HS6ST2: variants seen among roughly 807,000 people sequenced by gnomAD.
HS6ST2 encodes the protein heparan sulfate 6-O-sulfotransferase 2, also known as heparan-sulfate 6-O-sulfotransferase 2.
HS6ST2 carries 17 observed loss-of-function variants against 33.0 expected under a neutral mutation model. That is an observed-to-expected ratio of 0.52 (90% CI 0.35 to 0.77). HS6ST2 has a LOEUF of 0.77. Among genes scored for constraint, HS6ST2 ranks in the 30% least tolerant of loss-of-function variants. The pLI, the probability that HS6ST2 is intolerant of heterozygous loss-of-function variation, is 0.01. For missense variants in HS6ST2, 519 were observed against 551.7 expected (o/e 0.94, Z 0.59); for synonymous variants, 248 against 237.1 (o/e 1.05, Z -0.42).
intron 2 of HS6ST2, among the ~76,000 whole-genome samples, chrX:132,805,106 T>C (rs73638579): frequency 0.16 from 17,175 of 110,454 alleles, 1,121 homozygotes; most frequent in South Asian, 0.35. Flanking sequence ...GGACCAGCCC[T>C]GCAAAGGAGG....
In HS6ST2 at chrX:132,712,284, A is replaced by G. The variant is rs774850085; in HGVS notation, c.948-3790T>C. ...CTTCACCTACTCTATTGCTGCTCAG[A>G]AACCCACCACTTCCTTTTGTATCTC... is the stretch of plus-strand genomic sequence containing the variant. On this transcript the variant is annotated intron_variant, in intron 2 of 4. Coordinates refer to ENST00000370833, the MANE Select transcript of HS6ST2 (RefSeq NM_001394073.1). Among the ~76,000 whole-genome samples, 4 of 111,973 alleles carry G rather than the reference A, an allele frequency of 3.6e-5. No individual in the cohort carries two copies. The South Asian group carries it at 1.5e-3, about 42-fold the overall frequency.
chrX:132,847,059 C>T (rs1472051826), intron 2 of HS6ST2, among the ~76,000 whole-genome samples: 4 of 110,844 alleles, frequency 3.6e-5, no homozygotes, highest in African/African-American at 6.6e-5. Flanking sequence ...CAGATATGTT[C>T]GTTGATGATA....
chrX:132,834,226 T>C (rs1417524477), intron 2 of HS6ST2, among the ~76,000 whole-genome samples: 1 of 112,046 alleles, frequency 8.9e-6, no homozygotes, highest in African/African-American at 3.2e-5. Context: ...GAACACTTAC[T>C]ATGCACCAAG....
intron 2 of HS6ST2, among the ~76,000 whole-genome samples, chrX:132,856,391 G>T (rs2065852540): frequency 8.9e-6 from 1 of 112,093 alleles, no homozygotes; most frequent in Middle Eastern, 4.6e-3. Context: ...TATATATAGG[G>T]TTTCAGGCAT....
At chrX:132,806,443 A>G (rs939683869) in intron 2 of HS6ST2, among the ~76,000 whole-genome samples, 2 of 110,105 alleles carry the variant, frequency 1.8e-5, no homozygotes, top group African/African-American at 6.5e-5. Flanking sequence ...TTGGAATAAC[A>G]GTGATGATAA....
chrX:132,771,335 T>A (rs1346319453), intron 2 of HS6ST2, among the ~76,000 whole-genome samples: 1 of 112,107 alleles, frequency 8.9e-6, no homozygotes, highest in Non-Finnish European at 1.9e-5. Context: ...TAATGAACAA[T>A]GTATTACTCT....
intron 2 of HS6ST2, among the ~76,000 whole-genome samples, chrX:132,887,063 A>AG (rs2066260206): frequency 9.0e-6 from 1 of 110,569 alleles, no homozygotes; most frequent in African/African-American, 3.3e-5. Context: ...TGAACCTGGG[A>AG]ACAGAGGTTG....
At chrX:132,886,978 T>C (rs2066259336) in intron 2 of HS6ST2, among the ~76,000 whole-genome samples, 1 of 110,133 alleles carries the variant, frequency 9.1e-6, no homozygotes, top group Admixed American at 9.7e-5. Flanking sequence ...CTACTAAAAA[T>C]ACAAAAATTA....
At chrX:132,753,302 T>C (rs1330073400) in intron 2 of HS6ST2, among the ~76,000 whole-genome samples, 1 of 111,726 alleles carries the variant, frequency 9.0e-6, no homozygotes, top group Non-Finnish European at 1.9e-5. Context: ...AAGAATACTA[T>C]GGATTTATTT....
intron 3 of HS6ST2, among the ~76,000 whole-genome samples, chrX:132,684,349 A>G (rs942151141): frequency 9.4e-6 from 1 of 106,754 alleles, no homozygotes; most frequent in African/African-American, 3.4e-5. Flanking sequence ...ATATAGAGAG[A>G]CATTTTAAAA....
At chrX:132,898,537 T>A (rs1287330689) in intron 2 of HS6ST2, among the ~76,000 whole-genome samples, 3 of 108,395 alleles carry the variant, frequency 2.8e-5, no homozygotes, top group African/African-American at 1.0e-4. Flanking sequence ...AGCAATCAGA[T>A]TAAACAACTA....
chrX:132,897,731 T>C (rs1280547153), intron 2 of HS6ST2, among the ~76,000 whole-genome samples: 1 of 111,624 alleles, frequency 9.0e-6, no homozygotes, highest in Admixed American at 9.5e-5. Flanking sequence ...CCTATGCTGA[T>C]GTTCACCACC....
intron 2 of HS6ST2, among the ~76,000 whole-genome samples, chrX:132,796,184 C>G (rs1302737584): frequency 1.8e-5 from 2 of 112,035 alleles, no homozygotes; most frequent in African/African-American, 3.2e-5. Context: ...GTGAGGCACA[C>G]TTCTGAGAAT....
chrX:132,717,222 G>A (rs778479132), intron 2 of HS6ST2, among the ~76,000 whole-genome samples: 2 of 112,920 alleles, frequency 1.8e-5, no homozygotes, highest in African/African-American at 3.2e-5. Flanking sequence ...AGGCATGGTG[G>A]GAACCACTGG....
At chrX:132,844,503 CTCTCATT>C (rs1379187246) in intron 2 of HS6ST2, among the ~76,000 whole-genome samples, 1 of 111,250 alleles carries the variant, frequency 9.0e-6, no homozygotes, top group African/African-American at 3.3e-5. Context: ...TCTCATCTTC[CTCTCATT>C]TCTCTTAGCA....
intron 2 of HS6ST2, among the ~76,000 whole-genome samples, chrX:132,909,827 C>A (rs1338977835): frequency 9.0e-6 from 1 of 111,557 alleles, no homozygotes; most frequent in Admixed American, 9.5e-5. Flanking sequence ...GTGGTTTAAT[C>A]TTGGTATACG....
chrX:132,772,771 T>G (rs1295541122), intron 2 of HS6ST2, among the ~76,000 whole-genome samples: 4 of 91,914 alleles, frequency 4.4e-5, no homozygotes, highest in Non-Finnish European at 8.2e-5. Context: ...ATATATAATA[T>G]ATATATTATT....
At chrX:132,725,116 C>T (rs1400320837) in intron 2 of HS6ST2, among the ~76,000 whole-genome samples, 2 of 111,287 alleles carry the variant, frequency 1.8e-5, no homozygotes, top group Non-Finnish European at 3.8e-5. Context: ...CAATACCCTA[C>T]ACGCACAGGC....
chrX:132,899,269 T>G (rs1366380437), intron 2 of HS6ST2, among the ~76,000 whole-genome samples: 2 of 111,743 alleles, frequency 1.8e-5, no homozygotes. Context: ...TGCAAAGAAT[T>G]AGAAAGATAC....
Sources: allele counts gnomAD v4.1 joint callset (sites outside exome capture counted in the v4.1 genomes callset), GRCh38; gene constraint gnomAD v4.1.1; transcripts MANE v1.5; gene names NCBI Gene and HGNC (gene_info 2026-07-23, HGNC 2026-07-21).